TRHDE: variants seen among roughly 807,000 people sequenced by gnomAD.
TRHDE encodes thyrotropin releasing hormone degrading enzyme.
In TRHDE, 72 loss-of-function variants were observed where a neutral mutation model predicts 125.7. The ratio of observed to expected loss-of-function variants is 0.57; its 90% CI spans 0.47 to 0.70. The LOEUF (loss-of-function observed/expected upper bound fraction) is 0.70. Among genes scored for constraint, TRHDE ranks in the 30% least tolerant of loss-of-function variants. The pLI is 0.00. For missense variants in TRHDE, 1,110 were observed against 1,327.1 expected (o/e 0.84, Z 2.54); for synonymous variants, 509 against 509.1 (o/e 1.00, Z 0.00).
chr12:72,643,483 A>G (rs191051400), intron 15 of TRHDE, among the ~76,000 whole-genome samples: 1 of 152,340 alleles, frequency 6.6e-6, no homozygotes, highest in Non-Finnish European at 1.5e-5. Context: ...AGATACAAAT[A>G]TAGAACCTGC....
At chr12:72,315,697 C>T (rs12426376) in intron 2 of TRHDE, among the ~76,000 whole-genome samples, 140 of 151,838 alleles carry the variant, frequency 9.2e-4, no homozygotes, top group African/African-American at 2.4e-3. Context: ...GCTGCCAGGA[C>T]GCCTGGGTGT....
At chr12:72,604,906 C>T (rs1200828085) in intron 12 of TRHDE, among the ~76,000 whole-genome samples, 1 of 151,972 alleles carries the variant, frequency 6.6e-6, no homozygotes, top group East Asian at 1.9e-4. Context: ...TGTTAATCAT[C>T]ATTAAGGAGT....
At chr12:72,377,666 A>C (rs1565719135) in intron 2 of TRHDE, among the ~76,000 whole-genome samples, 1 of 152,148 alleles carries the variant, frequency 6.6e-6, no homozygotes, top group Non-Finnish European at 1.5e-5. Context: ...TCAGGGTCCC[A>C]TTATACTAAT....
At position 72,578,612 on chromosome 12, in the gene TRHDE, TGGA is replaced by T. The variant is rs1040115247; in HGVS notation, c.2321+3075_2321+3077del. ...GTTTCCTGATAGTTCTTCAATGATG[TGGA>T]GGAGAAGCCTTTGTGTCATCCGTTT... On this transcript the variant is annotated intron_variant, in intron 12 of 18. Transcript: ENST00000261180. 4.6e-5 allele frequency among the ~76,000 whole-genome samples: 7 copies of T among 152,292 alleles called. 1 individual carries two copies. Among genetic ancestry groups the T allele is most frequent in the African/African-American group, 4.8e-5 (2 of 41,566 alleles).
intron 2 of TRHDE, among the ~76,000 whole-genome samples, chr12:72,151,402 A>G (rs1447531750): frequency 6.6e-6 from 1 of 152,174 alleles, no homozygotes; most frequent in East Asian, 1.9e-4. Flanking sequence ...TAGTTTAATT[A>G]GATCCCATTT....
chr12:72,636,730 T>A (rs1328255382), intron 15 of TRHDE, among the ~76,000 whole-genome samples: 1 of 152,230 alleles, frequency 6.6e-6, no homozygotes, highest in East Asian at 1.9e-4. Flanking sequence ...TTGAATTTTG[T>A]CAAAGGCCTT....
intron 2 of TRHDE, among the ~76,000 whole-genome samples, chr12:72,317,947 G>A (rs138993653): frequency 1.3e-5 from 2 of 152,226 alleles, no homozygotes; most frequent in African/African-American, 4.8e-5. Context: ...TAAGAGGTTG[G>A]GGGAGTGGGT....
chr12:72,314,131 A>G (rs1050273886), intron 2 of TRHDE, among the ~76,000 whole-genome samples: 4 of 152,210 alleles, frequency 2.6e-5, no homozygotes, highest in Non-Finnish European at 5.9e-5. Flanking sequence ...ACTTGCAAGC[A>G]ATGTAAAATC....
chr12:72,610,696 C>T (rs1467717091), intron 12 of TRHDE: 2 of 152,222 alleles, frequency 1.3e-5, no homozygotes, highest in African/African-American at 2.4e-5. Context: ...CTTCTAAGCA[C>T]ATGAGAATGA....
At chr12:72,433,765 A>G (rs1490284881) in intron 3 of TRHDE, among the ~76,000 whole-genome samples, 1 of 148,416 alleles carries the variant, frequency 6.7e-6, no homozygotes, top group African/African-American at 2.5e-5. Context: ...TTTTTTCTTG[A>G]GACATACAGA....
At chr12:72,328,791 T>A (rs1219035014) in intron 2 of TRHDE, among the ~76,000 whole-genome samples, 1 of 152,198 alleles carries the variant, frequency 6.6e-6, no homozygotes, top group Non-Finnish European at 1.5e-5. Flanking sequence ...AGTTTTCAGG[T>A]AGCATAATTT....
chr12:72,109,821 A>G (rs551054123), intron 2 of TRHDE, among the ~76,000 whole-genome samples: 8 of 152,178 alleles, frequency 5.3e-5, no homozygotes, highest in Admixed American at 4.6e-4. Context: ...ATTGTTACTC[A>G]TTGCCTGTGG....
intron 2 of TRHDE, among the ~76,000 whole-genome samples, chr12:72,151,734 T>C (rs2139321630): frequency 6.6e-6 from 1 of 152,326 alleles, no homozygotes; most frequent in South Asian, 2.1e-4. Flanking sequence ...CTGAGGGCTC[T>C]GTTCTGTTCC....
intron 3 of TRHDE, among the ~76,000 whole-genome samples, chr12:72,388,066 A>C (rs532402935): frequency 8.3e-5 from 12 of 143,912 alleles, no homozygotes; most frequent in South Asian, 2.2e-4. Context: ...TTTCCCTCCT[A>C]CTCCTCTCTG....
chr12:72,516,775 G>A (rs899882677), intron 6 of TRHDE, among the ~76,000 whole-genome samples: 29 of 152,164 alleles, frequency 1.9e-4, no homozygotes, highest in African/African-American at 5.1e-4. Flanking sequence ...GATATTGGCT[G>A]TGGGTCTGTC....
At chr12:72,517,470 T>C in intron 6 of TRHDE, among the ~76,000 whole-genome samples, 1 of 152,024 alleles carries the variant, frequency 6.6e-6, no homozygotes, top group Admixed American at 6.5e-5. Context: ...AGTTTGTATT[T>C]CTGTGGGATC....
intron 7 of TRHDE, among the ~76,000 whole-genome samples, chr12:72,553,446 A>C (rs1389221986): frequency 6.6e-6 from 1 of 152,182 alleles, no homozygotes; most frequent in Non-Finnish European, 1.5e-5. Flanking sequence ...ACCCACCATT[A>C]ATAATAATAA....
intron 3 of TRHDE, among the ~76,000 whole-genome samples, chr12:72,380,923 A>T (rs1020433298): frequency 6.9e-6 from 1 of 145,366 alleles, no homozygotes; most frequent in Non-Finnish European, 1.5e-5. Flanking sequence ...GTTTTGTGAG[A>T]TGGAAATCTA....
chr12:72,482,721 T>G (rs567656732), intron 5 of TRHDE, among the ~76,000 whole-genome samples: 2 of 152,106 alleles, frequency 1.3e-5, no homozygotes, highest in East Asian at 3.9e-4. Context: ...AGTTTCCTGA[T>G]TAAAGACAAG....
Sources: gnomAD v4.1 joint callset for allele counts (sites outside exome capture counted in the v4.1 genomes callset) on GRCh38, gnomAD v4.1.1 for gene constraint, MANE v1.5 for transcripts, NCBI Gene and HGNC (gene_info 2026-07-23, HGNC 2026-07-21) for gene names.